Variants in PIK3C2G observed in about 807,000 individuals in gnomAD.
PIK3C2G encodes phosphatidylinositol 3-kinase C2 domain-containing subunit gamma.
A neutral mutation model predicts 181.1 loss-of-function variants in PIK3C2G; 168 were observed. The ratio of observed to expected loss-of-function variants is 0.93; its 90% confidence interval spans 0.82 to 1.05. PIK3C2G has a LOEUF of 1.05. Ranked by LOEUF, PIK3C2G falls within the 50% of genes least tolerant of loss-of-function variation. The pLI, the probability that PIK3C2G is intolerant of heterozygous loss-of-function variation, is 0.00. For synonymous variants in PIK3C2G, 573 were observed against 592.2 expected, an observed-to-expected ratio of 0.97 and a Z score of 0.47; for missense variants, 1,869 against 1,732.8, an observed-to-expected ratio of 1.08 and a Z score of -1.40.
At chr12:18,681,042 G>C in the PIK3C2G span, among the ~76,000 whole-genome samples, 1 of 152,072 alleles carries the variant, frequency 6.6e-6, no homozygotes, top group Non-Finnish European at 1.5e-5. Flanking sequence ...ATTCAGTCAT[G>C]ATTCCGGAAT....
At chr12:18,567,186 C>T in intron 29 of PIK3C2G, 129 bp downstream of exon 29, 1 of 578,800 alleles carries the variant, frequency 1.7e-6, no homozygotes, top group South Asian at 2.4e-5. Context: ...TTGCTTAAAG[C>T]CAGGAGTTTA....
intron 31 of PIK3C2G, among the ~76,000 whole-genome samples, chr12:18,635,336 G>A (rs941788958): frequency 2.0e-5 from 3 of 152,202 alleles, no homozygotes; most frequent in Admixed American, 6.5e-5. Context: ...GTAACTTATC[G>A]TGACACGCCA....
the PIK3C2G span, among the ~76,000 whole-genome samples, chr12:18,709,921 G>C: frequency 2.6e-5 from 4 of 151,472 alleles, no homozygotes; most frequent in African/African-American, 9.7e-5. Flanking sequence ...TTATACTATT[G>C]TAAATGAGAT....
chr12:18,256,597 T>G (rs528832116), upstream of PIK3C2G, among the ~76,000 whole-genome samples: 2 of 152,276 alleles, frequency 1.3e-5, no homozygotes, highest in East Asian at 3.9e-4. Context: ...GAGTCACCTC[T>G]AGCCCGAGTA....
At chr12:18,698,018 A>G in the PIK3C2G span, among the ~76,000 whole-genome samples, 1 of 151,820 alleles carries the variant, frequency 6.6e-6, no homozygotes, top group African/African-American at 2.4e-5. Flanking sequence ...GAGTAATACA[A>G]TTATAATTAA....
intron 13 of PIK3C2G, among the ~76,000 whole-genome samples, chr12:18,380,806 T>C (rs1012086963): frequency 4.6e-5 from 7 of 152,216 alleles, no homozygotes; most frequent in Admixed American, 1.3e-4. Flanking sequence ...AAGCTAAAGG[T>C]CTAAAGAAAG....
chr12:18,397,894 T>C (rs1333560045), intron 15 of PIK3C2G, among the ~76,000 whole-genome samples: 2 of 151,960 alleles, frequency 1.3e-5, no homozygotes, highest in African/African-American at 4.8e-5. Context: ...GGAGAGTGAA[T>C]AAGTAAATTA....
At chr12:18,570,744 G>T (rs559297182) in intron 29 of PIK3C2G, among the ~76,000 whole-genome samples, 1 of 150,364 alleles carries the variant, frequency 6.7e-6, no homozygotes, top group East Asian at 2.0e-4. Flanking sequence ...GCAGTGTGTG[G>T]GTATGAGTAG....
At chr12:18,695,118 A>G in the PIK3C2G span, 1 of 1,577,626 alleles carries the variant, frequency 6.3e-7, no homozygotes, top group South Asian at 1.1e-5. Context: ...CAGGTAATAG[A>G]GAATACAAAT....
Position 18,344,642 on chromosome 12 carries a change from C to T in PIK3C2G, c.1429+1282C>T, listed in dbSNP as rs1437135267. 2.0e-5 allele frequency among the ~76,000 whole-genome samples: 3 copies of T among 152,008 alleles called. No homozygotes were observed. The East Asian group carries it at 5.8e-4, about 29-fold the overall frequency. ...CCTCAGGGGACTGGAATATGAGATC[C>T]CACAAAACTGTACAGAAATGTTCCT... On this transcript the variant is annotated intron_variant, in intron 10 of 32. Transcript: ENST00000538779.
chr12:18,496,280 G>A (rs1941005994), intron 21 of PIK3C2G, 126 bp downstream of exon 21: 2 of 652,088 alleles, frequency 3.1e-6, no homozygotes, highest in East Asian at 2.9e-5. Context: ...AGTTATTTTA[G>A]AGTCTGCCTT....
intron 26 of PIK3C2G, among the ~76,000 whole-genome samples, chr12:18,559,821 T>TATAGAG (rs1945244509): frequency 3.8e-4 from 7 of 18,368 alleles, no homozygotes; most frequent in Admixed American, 1.0e-3. Context: ...TATATATATA[T>TATAGAG]AGAGAGAGAG....
At chr12:18,406,470 G>C (rs1338693553) in intron 16 of PIK3C2G, among the ~76,000 whole-genome samples, 1 of 152,172 alleles carries the variant, frequency 6.6e-6, no homozygotes, top group African/African-American at 2.4e-5. Context: ...AAGGAATAGG[G>C]AGATATAAAT....
At chr12:18,502,915 T>C (rs1191777369) in intron 22 of PIK3C2G, among the ~76,000 whole-genome samples, 1 of 152,214 alleles carries the variant, frequency 6.6e-6, no homozygotes, top group Non-Finnish European at 1.5e-5. Context: ...ATTGTAAATA[T>C]ATTTGTTATC....
chr12:18,524,779 G>C (rs967334026), intron 24 of PIK3C2G, among the ~76,000 whole-genome samples: 2 of 151,710 alleles, frequency 1.3e-5, no homozygotes, highest in African/African-American at 4.8e-5. Flanking sequence ...TGTTGGCCAG[G>C]CTGGTCTCAA....
intron 31 of PIK3C2G, among the ~76,000 whole-genome samples, chr12:18,622,912 T>C (rs1948927774): frequency 6.6e-6 from 1 of 151,756 alleles, no homozygotes; most frequent in Non-Finnish European, 1.5e-5. Context: ...TTTCTTTCTA[T>C]AGAGTTGAGT....
chr12:18,386,257 C>T (rs1284939355), intron 14 of PIK3C2G, among the ~76,000 whole-genome samples: 2 of 152,158 alleles, frequency 1.3e-5, no homozygotes, highest in Non-Finnish European at 2.9e-5. Flanking sequence ...TGCTCTCATT[C>T]ATTTAGTTTC....
chr12:18,677,586 A>G, the PIK3C2G span, among the ~76,000 whole-genome samples: 1 of 152,176 alleles, frequency 6.6e-6, no homozygotes, highest in East Asian at 1.9e-4. Flanking sequence ...GCAGTGCTTT[A>G]AGAGCACTGC....
chr12:18,583,264 G>C (rs1053774245), intron 29 of PIK3C2G, among the ~76,000 whole-genome samples: 2 of 152,100 alleles, frequency 1.3e-5, no homozygotes, highest in African/African-American at 4.8e-5. Context: ...AGCCTTTGCT[G>C]TTGCTACCTT....
Sources: allele counts gnomAD v4.1 joint callset (sites outside exome capture counted in the v4.1 genomes callset), GRCh38; gene constraint gnomAD v4.1.1; transcripts MANE v1.5; gene names NCBI Gene and HGNC (gene_info 2026-07-23, HGNC 2026-07-21).